CCSER1: variants seen among roughly 807,000 people sequenced by gnomAD.
CCSER1 encodes the protein coiled-coil serine rich protein 1, also known as serine-rich coiled-coil domain-containing protein 1.
A neutral mutation model predicts 82.0 loss-of-function variants in CCSER1; 41 were observed. The ratio of observed to expected loss-of-function variants is 0.50; its 90% CI spans 0.39 to 0.65. The LOEUF is 0.65. Among genes scored for constraint, CCSER1 ranks in the 30% least tolerant of loss-of-function variants. The pLI, the probability that CCSER1 is intolerant of heterozygous loss-of-function variation, is 0.00. For synonymous variants in CCSER1, 414 were observed against 383.9 expected (o/e 1.08, Z -0.92); for missense variants, 1,119 against 1,064.2 (o/e 1.05, Z -0.72).
chr4:90,918,640 T>G (rs185735711), intron 8 of CCSER1, among the ~76,000 whole-genome samples: 232 of 150,374 alleles, frequency 1.5e-3, no homozygotes, highest in South Asian at 4.4e-3. Context: ...TCAAGAGAGA[T>G]ATATATATAT....
At chr4:90,852,809 GT>G (rs1764039092) in intron 8 of CCSER1, among the ~76,000 whole-genome samples, 2 of 152,152 alleles carry the variant, frequency 1.3e-5, no homozygotes, top group South Asian at 4.1e-4. Context: ...ATTTGACAAT[GT>G]GTGATTTTCA....
At chr4:91,079,192 C>A (rs1722391591) in intron 9 of CCSER1, among the ~76,000 whole-genome samples, 1 of 152,176 alleles carries the variant, frequency 6.6e-6, no homozygotes, top group South Asian at 2.1e-4. Context: ...AGGTTACCCA[C>A]AAAGGGAAGC....
chr4:90,465,531 T>C (rs927601272), intron 4 of CCSER1, among the ~76,000 whole-genome samples: 1 of 152,062 alleles, frequency 6.6e-6, no homozygotes, highest in African/African-American at 2.4e-5. Flanking sequence ...TATCAGTTTT[T>C]ATTTCTTTTC....
At chr4:90,180,022 T>G (rs1382759163) in intron 1 of CCSER1, among the ~76,000 whole-genome samples, 1 of 151,908 alleles carries the variant, frequency 6.6e-6, no homozygotes, top group Non-Finnish European at 1.5e-5. Flanking sequence ...AAAAATAGAC[T>G]AAATTTTCTT....
intron 5 of CCSER1, among the ~76,000 whole-genome samples, chr4:90,512,311 A>G (rs1445457257): frequency 2.0e-5 from 3 of 151,830 alleles, no homozygotes; most frequent in African/African-American, 7.3e-5. Flanking sequence ...TCCAAGCAAA[A>G]AAAAAAAAGA....
intron 10 of CCSER1, among the ~76,000 whole-genome samples, chr4:91,515,494 T>G (rs1760057151): frequency 6.6e-6 from 1 of 152,192 alleles, no homozygotes; most frequent in Admixed American, 6.5e-5. Context: ...CTTAAGATAA[T>G]GGCTTCCACC....
chr4:91,168,501 T>A lies in CCSER1; in HGVS notation c.2217+82507T>A, dbSNP rs35427141. Among the ~76,000 whole-genome samples the A allele has an allele frequency of 4.2e-5, 6 of 141,870 alleles. No individual in the cohort carries two copies. In the East Asian group the frequency reaches 1.4e-3, roughly 32 times the overall value. 93.1% of individuals were successfully genotyped at this position (141,870 alleles called of 152,430 possible). On this transcript the variant is annotated intron_variant, in intron 10 of 10. Coordinates refer to ENST00000509176, the MANE Select transcript of CCSER1 (RefSeq NM_001145065.2). Reference sequence around the variant, plus strand: ...GCCGCCCCGTCTGGGAAGCAGGGAGTGCTTCTGCCTGGCCGCCCCATCTGG... The same window carrying A: ...GCCGCCCCGTCTGGGAAGCAGGGAGAGCTTCTGCCTGGCCGCCCCATCTGG...
chr4:90,920,919 T>C (rs1728287578), intron 8 of CCSER1, among the ~76,000 whole-genome samples: 1 of 151,848 alleles, frequency 6.6e-6, no homozygotes, highest in African/African-American at 2.4e-5. Flanking sequence ...TAGTCAAGAC[T>C]TTAATCATTA....
chr4:90,605,906 T>C (rs931724604), intron 5 of CCSER1, among the ~76,000 whole-genome samples: 1 of 152,192 alleles, frequency 6.6e-6, no homozygotes, highest in Non-Finnish European at 1.5e-5. Flanking sequence ...TGCTTAAGTT[T>C]ATTAGAATAT....
intron 1 of CCSER1, among the ~76,000 whole-genome samples, chr4:90,205,320 G>C (rs1217005005): frequency 6.6e-6 from 1 of 152,112 alleles, no homozygotes; most frequent in Non-Finnish European, 1.5e-5. Context: ...TATGATATTG[G>C]CTGTGGGTTT....
At chr4:90,765,992 T>C (rs562571286) in intron 7 of CCSER1, among the ~76,000 whole-genome samples, 2 of 152,188 alleles carry the variant, frequency 1.3e-5, no homozygotes, top group East Asian at 3.9e-4. Flanking sequence ...TGAGGGTTGG[T>C]GGTTGACACC....
intron 10 of CCSER1, among the ~76,000 whole-genome samples, chr4:91,269,099 T>C (rs531943613): frequency 3.9e-5 from 6 of 152,260 alleles, no homozygotes; most frequent in Admixed American, 2.0e-4. Context: ...TTCTGTACAC[T>C]GTCTGGTTTG....
intron 9 of CCSER1, among the ~76,000 whole-genome samples, chr4:91,040,090 G>T (rs112205440): frequency 6.6e-6 from 1 of 152,094 alleles, no homozygotes; most frequent in African/African-American, 2.4e-5. Flanking sequence ...TTTACAGTGA[G>T]AAAATCAAGG....
At chr4:90,257,044 C>T (rs762458172) in intron 1 of CCSER1, among the ~76,000 whole-genome samples, 10 of 151,864 alleles carry the variant, frequency 6.6e-5, no homozygotes, top group South Asian at 2.1e-4. Context: ...GGGGGGTCTT[C>T]GAAGATATGC....
intron 5 of CCSER1, among the ~76,000 whole-genome samples, chr4:90,594,277 C>G (rs1455956890): frequency 6.6e-6 from 1 of 152,096 alleles, no homozygotes; most frequent in East Asian, 1.9e-4. Flanking sequence ...CACGTGTTCT[C>G]TCAGGTTCTC....
intron 7 of CCSER1, among the ~76,000 whole-genome samples, chr4:90,792,595 C>CT (rs1394808296): frequency 6.6e-6 from 1 of 152,158 alleles, no homozygotes; most frequent in African/African-American, 2.4e-5. Context: ...TTTAGCGATT[C>CT]TTTTGATGAT....
chr4:90,375,213 T>C (rs1017517710), intron 3 of CCSER1, among the ~76,000 whole-genome samples: 3 of 152,192 alleles, frequency 2.0e-5, no homozygotes, highest in African/African-American at 7.2e-5. Flanking sequence ...TGCTTCTAGA[T>C]TGGTTATGTT....
At chr4:90,348,371 G>T (rs750559036) in intron 3 of CCSER1, among the ~76,000 whole-genome samples, 1 of 152,006 alleles carries the variant, frequency 6.6e-6, no homozygotes, top group Non-Finnish European at 1.5e-5. Flanking sequence ...TGAAATCATA[G>T]ATTATATAAT....
chr4:90,802,501 A>G (rs1756963476), intron 7 of CCSER1, among the ~76,000 whole-genome samples: 1 of 151,926 alleles, frequency 6.6e-6, no homozygotes, highest in South Asian at 2.1e-4. Context: ...AAGTGAGCAT[A>G]TAAAGATAGA....
Sources: gnomAD v4.1 joint callset for allele counts (sites outside exome capture counted in the v4.1 genomes callset) on GRCh38, gnomAD v4.1.1 for gene constraint, MANE v1.5 for transcripts, NCBI Gene and HGNC (gene_info 2026-07-23, HGNC 2026-07-21) for gene names.